NUP37: variants seen among roughly 807,000 people sequenced by gnomAD.
The protein encoded by NUP37 is nucleoporin Nup37.
A neutral mutation model predicts 45.4 loss-of-function variants in NUP37; 33 were observed. That is an observed-to-expected ratio of 0.73 (90% CI 0.55 to 0.97). The LOEUF (loss-of-function observed/expected upper bound fraction) is 0.97. Ranked by LOEUF, NUP37 falls within the 50% of genes least tolerant of loss-of-function variation. The probability of loss-of-function intolerance (pLI) is 0.00; values close to 1 mark genes in which losing one functional copy is unlikely to be tolerated. For missense variants in NUP37, 365 were observed against 389.7 expected (o/e 0.94, Z 0.53); for synonymous variants, 127 against 130.7 (o/e 0.97, Z 0.19).
intron 1 of NUP37, among the ~76,000 whole-genome samples, chr12:102,118,797 T>C (rs1415407051): frequency 6.6e-6 from 1 of 152,248 alleles, no homozygotes; most frequent in Non-Finnish European, 1.5e-5. Context: ...TCTGTGATTC[T>C]AGCAGACAAT....
At chr12:102,108,480 C>T (rs2136750171) in intron 3 of NUP37, among the ~76,000 whole-genome samples, 1 of 152,304 alleles carries the variant, frequency 6.6e-6, no homozygotes, top group South Asian at 2.1e-4. Flanking sequence ...CCTTGCTCCT[C>T]AGCTTGCAGA....
chr12:102,089,446 C>T (rs1160279199), intron 5 of NUP37, among the ~76,000 whole-genome samples: 2 of 140,436 alleles, frequency 1.4e-5, no homozygotes, highest in Non-Finnish European at 3.0e-5. Flanking sequence ...CTCCTCACTT[C>T]CCAGACGGGG....
At chr12:102,103,811 T>C (rs1037042462) in intron 3 of NUP37, among the ~76,000 whole-genome samples, 1 of 152,072 alleles carries the variant, frequency 6.6e-6, no homozygotes, top group Non-Finnish European at 1.5e-5. Flanking sequence ...TGTGACTAAA[T>C]ACAACATTTC....
intron 7 of NUP37, 126 bp downstream of exon 7, chr12:102,077,196 C>T: frequency 5.2e-6 from 5 of 966,516 alleles, no homozygotes; most frequent in Non-Finnish European, 6.5e-6. Flanking sequence ...CTCTGGCCTT[C>T]TATAGGAAAG....
At chr12:102,111,861 C>G (rs1259322269) in intron 3 of NUP37, among the ~76,000 whole-genome samples, 1 of 152,158 alleles carries the variant, frequency 6.6e-6, no homozygotes, top group South Asian at 2.1e-4. Context: ...TCAGATGAAT[C>G]TCACGTAAAA....
rs1879096344 is a variant in NUP37 at position 102,073,899 on chromosome 12, C to T, written c.*455G>A. The T allele has an allele frequency of 6.6e-6, 1 of 152,192 alleles. No homozygotes were observed. Among genetic ancestry groups the T allele is most frequent in the Admixed American group, 6.6e-5 (1 of 15,244 alleles). 9.4% of individuals were successfully genotyped at this position (152,192 alleles called of 1,614,324 possible). A position where few individuals can be genotyped will look rare whatever the true frequency, so the allele number is the denominator to read the frequency against. On this transcript the variant is annotated 3_prime_UTR_variant, in exon 10 of 10. Coordinates refer to ENST00000552283, the MANE Select transcript of NUP37 (RefSeq NM_024057.4). ...GGCCAGGTTGGTCTTGAACTCCTCA[C>T]CTCAAGTGATCCACTCCCTTCAGCC... is the stretch of plus-strand genomic sequence containing the variant.
At chr12:102,117,023 A>G (rs1880483688) in intron 2 of NUP37, among the ~76,000 whole-genome samples, 1 of 152,242 alleles carries the variant, frequency 6.6e-6, no homozygotes. Flanking sequence ...AAACAAAAAC[A>G]GAATTGCCTT....
At chr12:102,094,733 T>C (rs944105205) in intron 5 of NUP37, among the ~76,000 whole-genome samples, 2 of 152,134 alleles carry the variant, frequency 1.3e-5, no homozygotes, top group Non-Finnish European at 2.9e-5. Flanking sequence ...TACATTCTAA[T>C]ATCTTATTCT....
At chr12:102,105,861 CAAA>C (rs759252411) in intron 3 of NUP37, among the ~76,000 whole-genome samples, 5 of 73,694 alleles carry the variant, frequency 6.8e-5, no homozygotes, top group South Asian at 4.8e-4. Context: ...GACTCCCTCT[CAAA>C]AAAAAAAAAA....
intron 3 of NUP37, among the ~76,000 whole-genome samples, chr12:102,104,491 T>G (rs550071071): frequency 6.6e-6 from 1 of 152,316 alleles, no homozygotes; most frequent in Middle Eastern, 3.4e-3. Context: ...CATTTGTCTA[T>G]TTTTTGCTTT....
chr12:102,092,932 C>CT (rs971186887), intron 5 of NUP37, among the ~76,000 whole-genome samples: 22 of 151,958 alleles, frequency 1.4e-4, no homozygotes, highest in Admixed American at 3.3e-4. Context: ...TAGATTAATT[C>CT]TTTTTTTAAT....
At chr12:102,099,276 CTTCACTGCCTTAAAAGCT>C (rs1879904783) in intron 4 of NUP37, 76 bp from the exon 5 acceptor site, 1 of 997,100 alleles carries the variant, frequency 1.0e-6, no homozygotes, top group African/African-American at 1.6e-5. Flanking sequence ...AATATTTTTG[CTTCACTGCCTTAAAAGCT>C]TTCACTGCCT....
intron 3 of NUP37, among the ~76,000 whole-genome samples, chr12:102,111,373 T>A (rs778430561): frequency 3.9e-5 from 6 of 152,152 alleles, no homozygotes; most frequent in Non-Finnish European, 7.4e-5. Context: ...TGTACAAATA[T>A]ACGTATTTGT....
intron 5 of NUP37, among the ~76,000 whole-genome samples, chr12:102,092,246 T>C (rs370437147): frequency 6.6e-6 from 1 of 152,240 alleles, no homozygotes; most frequent in African/African-American, 2.4e-5. Context: ...TGGATGACAT[T>C]AAATGACACA....
At chr12:102,081,317 C>CT (rs142196240) in intron 6 of NUP37, among the ~76,000 whole-genome samples, 54 of 152,194 alleles carry the variant, frequency 3.5e-4, no homozygotes, top group Non-Finnish European at 7.5e-4. Flanking sequence ...TATGACAAAT[C>CT]TTTTTTTGGG....
intron 6 of NUP37, among the ~76,000 whole-genome samples, chr12:102,085,434 A>G (rs1480534230): frequency 6.6e-6 from 1 of 152,066 alleles, no homozygotes; most frequent in African/African-American, 2.4e-5. Context: ...AAAAACAAAA[A>G]CAAAAACAAA....
chr12:102,096,655 ACT>A (rs1297673581), intron 5 of NUP37, among the ~76,000 whole-genome samples: 1 of 152,068 alleles, frequency 6.6e-6, no homozygotes, highest in African/African-American at 2.4e-5. Flanking sequence ...CATATGATAT[ACT>A]CTCTTGTCAC....
intron 5 of NUP37, among the ~76,000 whole-genome samples, chr12:102,091,778 C>A (rs1879664117): frequency 6.6e-6 from 1 of 152,138 alleles, no homozygotes; most frequent in Non-Finnish European, 1.5e-5. Flanking sequence ...CCCCATCTCT[C>A]CTGACATTGT....
rs142517698 is a variant in NUP37 at position 102,089,848 on chromosome 12, C to G, written c.450-3992G>C. Among the ~76,000 whole-genome samples, 603 of 152,304 alleles carry G rather than the reference C, an allele frequency of 4.0e-3. 4 individuals carry two copies. The highest frequency in any genetic ancestry group is 0.013 in the South Asian group (61 of 4,830). ...GTACACAACAACATATATATTCATT[C>G]TACTCCTGACAGACATTTAGGTTGT... On this transcript the variant is annotated intron_variant, in intron 5 of 9. Transcript: ENST00000552283.
Sources: allele counts gnomAD v4.1 joint callset (sites outside exome capture counted in the v4.1 genomes callset), GRCh38; gene constraint gnomAD v4.1.1; transcripts MANE v1.5; gene names NCBI Gene and HGNC (gene_info 2026-07-23, HGNC 2026-07-21).